RNF157: variants seen among roughly 807,000 people sequenced by gnomAD.
RNF157 encodes E3 ubiquitin ligase RNF157.
RNF157 carries 55 observed loss-of-function variants against 88.3 expected under a neutral mutation model. The observed-to-expected ratio is 0.62, with a 90% CI of 0.50 to 0.78. The LOEUF (loss-of-function observed/expected upper bound fraction) is 0.78, where lower values mean the gene tolerates loss of function less well. Among genes scored for constraint, RNF157 ranks in the 30% least tolerant of loss-of-function variants. RNF157 has a pLI of 0.00. For missense variants in RNF157, 788 were observed against 860.8 expected, an observed-to-expected ratio of 0.92 and a Z score of 1.06; for synonymous variants, 334 against 341.2, an observed-to-expected ratio of 0.98 and a Z score of 0.23.
At chr17:76,233,029 T>G (rs1216971108) in intron 1 of RNF157, among the ~76,000 whole-genome samples, 1 of 152,100 alleles carries the variant, frequency 6.6e-6, no homozygotes, top group African/African-American at 2.4e-5. Context: ...CAAGTGATTC[T>G]CCTGTCTCAG....
intron 1 of RNF157, chr17:76,226,712 C>G: frequency 6.2e-7 from 1 of 1,611,792 alleles, no homozygotes; most frequent in Non-Finnish European, 8.5e-7. Context: ...ATCTAAGAGA[C>G]CTATGCTTTC....
chr17:76,230,880 A>AAG lies in RNF157; in HGVS notation c.88+9271_88+9272dup, dbSNP rs1568079683. Among the ~76,000 whole-genome samples the AAG allele has an allele frequency of 1.1e-4, 12 of 111,064 alleles. No homozygotes were observed. The South Asian group carries it at 3.3e-3, about 30-fold the overall frequency. 72.9% of individuals were successfully genotyped at this position (111,064 alleles called of 152,430 possible). The stretch of plus-strand genomic sequence containing the variant: ...AAAAAGAGAGAGAGAGAGAGAGAGA[A>AAG]AGAGAAAGAGAGAAAGAGAGAGAGA... On this transcript the variant is annotated intron_variant, in intron 1 of 18. Transcript: ENST00000269391.
At chr17:76,163,495 A>G (rs1304645399) in intron 8 of RNF157, 2 of 152,160 alleles carry the variant, frequency 1.3e-5, no homozygotes, top group Non-Finnish European at 2.9e-5. Context: ...AAGCCCGGCC[A>G]GCCCTGTTTC....
At chr17:76,226,240 A>T (rs2070082776) in intron 1 of RNF157, 2 of 1,610,342 alleles carry the variant, frequency 1.2e-6, no homozygotes, top group Non-Finnish European at 1.7e-6. Flanking sequence ...TATCTTCTTC[A>T]GTGATATCCA....
chr17:76,225,089 T>C (rs528091488), intron 1 of RNF157, among the ~76,000 whole-genome samples: 2 of 152,266 alleles, frequency 1.3e-5, no homozygotes, highest in South Asian at 4.1e-4. Context: ...GAAGAATCGC[T>C]TGAACCTGGG....
rs2068817740 is a variant in RNF157, at chr17:76,159,576, A to G, written c.1066-3T>C. On this transcript the variant is annotated splice_polypyrimidine_tract_variant and splice_region_variant and intron_variant, in intron 11 of 18. Transcript: ENST00000269391. ...CCTGGTGGAATATTCTCTGAGGACTAGGGGAATCAGAGACAGGTTGAAAAA... is the reference window on the plus strand; with the variant it reads ...CCTGGTGGAATATTCTCTGAGGACTGGGGGAATCAGAGACAGGTTGAAAAA... The G allele has an allele frequency of 6.3e-7, 1 of 1,581,454 alleles. No homozygotes were observed. The highest frequency in any genetic ancestry group is 8.6e-7 in the Non-Finnish European group (1 of 1,157,712).
chr17:76,155,481 A>G, intron 15 of RNF157, 81 bp downstream of exon 15: 1 of 1,548,104 alleles, frequency 6.5e-7, no homozygotes, highest in Non-Finnish European at 8.9e-7. Context: ...GCAGCCATGC[A>G]TGGCAGACCT....
chr17:76,161,916 G>A lies in RNF157; in HGVS notation c.879C>T (p.Arg293=). 6.2e-7 allele frequency: 1 copy of A among 1,614,234 alleles called. No homozygotes were observed. Among genetic ancestry groups the A allele is most frequent in the Non-Finnish European group, 8.5e-7 (1 of 1,180,046 alleles). Residue 293 remains arginine, a synonymous_variant, in exon 10 of 19, where the codon CGC becomes CGT. Transcript: ENST00000269391. This position sits in a 1 kb window ranked among gnomAD's most constrained non-coding sequence, Gnocchi z 4.6. ...DVRDTLILPC[R]HLCLCNTCAD... ...CACAGGTGTTACAGAGGCAGAGGTG[G>A]CGACAGGGCAGAATCAAGGTGTCCC...
Position 76,240,112 on chromosome 17 carries a change from C to T in RNF157, c.88+41G>A, listed in dbSNP as rs1363713556. 2 of 1,208,652 alleles carry T rather than the reference C, an allele frequency of 1.7e-6. No homozygotes were observed. The highest frequency in any genetic ancestry group is 2.1e-6 in the Non-Finnish European group (2 of 949,782). The allele number at this position is 1,208,652 out of a possible 1,614,324, so 74.9% of individuals were successfully genotyped here. A position where few individuals can be genotyped will look rare whatever the true frequency, so the allele number is the denominator to read the frequency against. On this transcript the variant is annotated intron_variant, in intron 1 of 18. Coordinates refer to ENST00000269391, the MANE Select transcript of RNF157 (RefSeq NM_052916.3). The surrounding 1 kb of genome is among the most constrained non-coding windows in gnomAD (Gnocchi z 4.4). The stretch of plus-strand genomic sequence containing the variant: ...TCCCGACCCAGACCCCTGCCCCTGC[C>T]CCTCTCCCTCCTCGCGGCTGCGGCG...
At chr17:76,232,583 A>G (rs1298645546) in intron 1 of RNF157, among the ~76,000 whole-genome samples, 1 of 152,146 alleles carries the variant, frequency 6.6e-6, no homozygotes. Flanking sequence ...TTGAGTGTAC[A>G]TATGTTTTCA....
intron 2 of RNF157, among the ~76,000 whole-genome samples, chr17:76,208,115 G>A (rs182630985): frequency 1.5e-3 from 233 of 151,668 alleles, no homozygotes; most frequent in African/African-American, 5.5e-3. Flanking sequence ...AGAGATGAGG[G>A]TCTCGCTATG....
intron 2 of RNF157, among the ~76,000 whole-genome samples, chr17:76,200,201 C>A (rs909839529): frequency 2.6e-5 from 4 of 151,792 alleles, no homozygotes; most frequent in African/African-American, 9.7e-5. Flanking sequence ...AAGATCGCGC[C>A]ACTCCATGCC....
chr17:76,190,735 G>A (rs990700699), intron 2 of RNF157, among the ~76,000 whole-genome samples: 4 of 151,226 alleles, frequency 2.6e-5, no homozygotes, highest in African/African-American at 7.3e-5. Context: ...ATGAAACCCC[G>A]TCTCTACTAA....
intron 1 of RNF157, among the ~76,000 whole-genome samples, 163 bp from the exon 2 acceptor site, chr17:76,212,645 T>C (rs779322381): frequency 7.2e-5 from 11 of 152,110 alleles, no homozygotes; most frequent in Non-Finnish European, 1.3e-4. Context: ...ACAGATCGCC[T>C]GAGATAAGGA....
chr17:76,145,038 G>C lies in RNF157; in HGVS notation c.*197C>G, dbSNP rs1265654982. ...GGTCTCGTGAGCTGCAGTTCATTGA[G>C]TGGCTTTAGGTCACACGGAGAAAGG... On this transcript the variant is annotated 3_prime_UTR_variant, in exon 19 of 19. Transcript: ENST00000269391. The C allele has an allele frequency of 2.2e-5, 12 of 535,748 alleles. No individual in the cohort carries two copies. In the East Asian group the frequency reaches 3.6e-4, roughly 16 times the overall value. 33.2% of individuals were successfully genotyped at this position (535,748 alleles called of 1,614,324 possible).
At chr17:76,169,642 C>G (rs999330391) in intron 3 of RNF157, among the ~76,000 whole-genome samples, 1 of 149,038 alleles carries the variant, frequency 6.7e-6, no homozygotes, top group Non-Finnish European at 1.5e-5. Flanking sequence ...TGCAATGGCA[C>G]GATCTTGGCT....
intron 2 of RNF157, among the ~76,000 whole-genome samples, chr17:76,183,909 G>C (rs2069237939): frequency 6.6e-6 from 1 of 151,924 alleles, no homozygotes; most frequent in Non-Finnish European, 1.5e-5. Context: ...CAAAGTACAG[G>C]CTGGGAGCGG....
intron 8 of RNF157, chr17:76,162,854 C>T (rs866062054): frequency 2.5e-6 from 1 of 398,928 alleles, no homozygotes; most frequent in East Asian, 4.6e-5. Flanking sequence ...CAACAGGGAA[C>T]ATAAAATTTC....
chr17:76,155,537 G>A (rs1229003292), intron 15 of RNF157, 25 bp downstream of exon 15: 1 of 1,607,618 alleles, frequency 6.2e-7, no homozygotes, highest in Admixed American at 1.7e-5. Flanking sequence ...AGAGAAGCCA[G>A]GGCGGTTCCC....
Sources: allele counts gnomAD v4.1 joint callset (sites outside exome capture counted in the v4.1 genomes callset), GRCh38; gene constraint gnomAD v4.1.1; non-coding constraint Gnocchi (gnomAD v3.1); transcripts MANE v1.5; gene names NCBI Gene and HGNC (gene_info 2026-07-23, HGNC 2026-07-21).